The following DNAH12 variants were observed in gnomAD, a reference collection of about 807,000 sequenced individuals.
DNAH12 encodes the protein dynein axonemal heavy chain 12.
In DNAH12, 285 loss-of-function variants were observed where a neutral mutation model predicts 371.5. The ratio of observed to expected loss-of-function variants is 0.77; its 90% CI spans 0.70 to 0.85. The LOEUF (loss-of-function observed/expected upper bound fraction) is 0.85. Ranked by LOEUF, DNAH12 falls within the 40% of genes least tolerant of loss-of-function variation. The pLI is 0.00. For missense variants in DNAH12, 3,611 were observed against 3,689.4 expected (o/e 0.98, Z 0.55); for synonymous variants, 1,200 against 1,213.0 (o/e 0.99, Z 0.22).
At position 57,483,425 on chromosome 3, in the gene DNAH12, A is replaced by G. The variant is rs555444333; in HGVS notation, c.1601T>C (p.Val534Ala). The change falls in exon 13 of 74, where the codon GTA becomes GCA. Residue 534 changes from valine to alanine, a missense_variant. Val to Ala is a moderately conservative substitution (Grantham distance 64, BLOSUM62 0). This residue lies in a region of DNAH12 where 1,314 missense variants were observed against 1,398.7 expected (regional missense o/e 0.94). Transcript: ENST00000495027. ...TEEMMDLISYVEKARTVGIEE... is the reference protein window; with the variant it reads ...TEEMMDLISYAEKARTVGIEE... ...GATTCCTACAGTCCGGGCTTTTTCT[A>G]CATAAGATATCAGATCCATCATCTC... 1.9e-6 allele frequency: 3 copies of G among 1,551,372 alleles called. No homozygotes were observed. The highest frequency in any genetic ancestry group is 2.4e-5 in the East Asian group (1 of 40,884).
chr3:57,309,243 A>C lies in DNAH12; in HGVS notation c.11097T>G (p.Asp3699Glu). The change falls in exon 69 of 74, where the codon GAT becomes GAG. Residue 3699 changes from aspartate to glutamate, a missense_variant. By Grantham distance (45) the Asp-to-Glu change is conservative. Around this residue, in one of 3 missense-constraint regions of DNAH12, gnomAD observed 2,266 missense variants for 2,236.9 expected, o/e 1.01. Coordinates refer to ENST00000495027, the MANE Select transcript of DNAH12 (RefSeq NM_001366028.2). ...TKDILNKLPS[D>E]FDIEMALRKY... ...TCCGTAGTGCCATTTCAATGTCGAA[A>C]TCACTAGGGAGCTAAAAGAATAGAT... 6.5e-7 allele frequency: 1 copy of C among 1,547,026 alleles called. No individual in the cohort carries two copies. The highest frequency in any genetic ancestry group is 8.7e-7 in the Non-Finnish European group (1 of 1,145,848).
intron 40 of DNAH12, among the ~76,000 whole-genome samples, chr3:57,407,456 T>A (rs2064074130): frequency 6.6e-6 from 1 of 152,146 alleles, no homozygotes; most frequent in Non-Finnish European, 1.5e-5. Context: ...TTGCTCATAG[T>A]AGTTTCTTTA....
chr3:57,536,462 A>T (rs2069050909), intron 2 of DNAH12: 1 of 152,238 alleles, frequency 6.6e-6, no homozygotes, highest in African/African-American at 2.4e-5. Flanking sequence ...TTATTAAAGT[A>T]TCCTAAAACT....
At chr3:57,444,040 C>A (rs2065396740) in intron 29 of DNAH12, among the ~76,000 whole-genome samples, 1 of 151,998 alleles carries the variant, frequency 6.6e-6, no homozygotes, top group South Asian at 2.1e-4. Context: ...CCCATCTCTA[C>A]TAAAAATACA....
At chr3:57,547,165 T>C (rs139755588), upstream of DNAH12, among the ~76,000 whole-genome samples, 3,677 of 150,222 alleles carry the variant, frequency 0.024, 71 homozygotes, top group Middle Eastern at 0.035. Flanking sequence ...GCCAATTCTT[T>C]GTTTAAAAAA....
At chr3:57,478,234 C>G (rs367557367) in intron 13 of DNAH12, among the ~76,000 whole-genome samples, 1 of 152,038 alleles carries the variant, frequency 6.6e-6, no homozygotes, top group Non-Finnish European at 1.5e-5. Context: ...CTTAAAGGAC[C>G]TGATGGAGCT....
At chr3:57,430,105 C>T (rs2064911710) in intron 32 of DNAH12, among the ~76,000 whole-genome samples, 1 of 151,916 alleles carries the variant, frequency 6.6e-6, no homozygotes, top group Non-Finnish European at 1.5e-5. Context: ...GTGAAATACT[C>T]CTGAATTTAT....
In DNAH12 at chr3:57,375,979, C is replaced by G. The variant is rs1367119262; in HGVS notation, c.8466-14G>C. ...GCTTGGGCCCATCTGTGCCATCAAC[C>G]AAAGGCAAAACAGATTTACAACAGA... On this transcript the variant is annotated splice_polypyrimidine_tract_variant and intron_variant, in intron 53 of 73. Transcript: ENST00000495027. 2.0e-5 allele frequency: 3 copies of G among 151,952 alleles called. No individual in the cohort carries two copies. Among genetic ancestry groups the G allele is most frequent in the Non-Finnish European group, 2.9e-5 (2 of 67,968 alleles). 9.4% of individuals were successfully genotyped at this position (151,952 alleles called of 1,614,324 possible).
chr3:57,408,666 G>A, intron 39 of DNAH12, 131 bp from the exon 40 acceptor site: 1 of 1,168,876 alleles, frequency 8.6e-7, no homozygotes, highest in Non-Finnish European at 1.1e-6. Context: ...ATAACACTTT[G>A]AGTAGGAGAG....
chr3:57,315,567 A>G (rs2061667477), intron 65 of DNAH12, among the ~76,000 whole-genome samples: 1 of 152,010 alleles, frequency 6.6e-6, no homozygotes, highest in African/African-American at 2.4e-5. Flanking sequence ...AAACTGAATG[A>G]TCACATTTGT....
At chr3:57,423,147 T>G (rs1234278776) in intron 35 of DNAH12, among the ~76,000 whole-genome samples, 2 of 152,108 alleles carry the variant, frequency 1.3e-5, no homozygotes, top group Non-Finnish European at 2.9e-5. Flanking sequence ...AGTCCAAAAG[T>G]AAATATATAT....
chr3:57,504,487 T>A (rs961829987), intron 8 of DNAH12, among the ~76,000 whole-genome samples: 6 of 152,174 alleles, frequency 3.9e-5, no homozygotes, highest in Non-Finnish European at 8.8e-5. Context: ...CATAGCTCAC[T>A]GTAACCTTGA....
chr3:57,303,339 C>CA (rs1310949192), intron 69 of DNAH12, among the ~76,000 whole-genome samples: 18,414 of 61,016 alleles, frequency 0.3, 2,540 homozygotes, highest in African/African-American at 0.39. Context: ...GACGCCAGCT[C>CA]AAAAAAAAAA....
chr3:57,489,415 C>T, intron 12 of DNAH12, 94 bp downstream of exon 12: 1 of 1,279,164 alleles, frequency 7.8e-7, no homozygotes. Flanking sequence ...TACGTACTTA[C>T]ATATTTTAAG....
rs1169602185 is a variant in DNAH12 at position 57,371,941 on chromosome 3, C to CAAAAAAAAA, written c.8759+3421_8759+3429dup. Among the ~76,000 whole-genome samples, 86 of 25,848 alleles carry CAAAAAAAAA rather than the reference C, an allele frequency of 3.3e-3. 3 individuals are homozygous for CAAAAAAAAA. Among genetic ancestry groups the CAAAAAAAAA allele is most frequent in the African/African-American group, 0.017 (78 of 4,488 alleles). The allele number at this position is 25,848 out of a possible 152,430, so 17.0% of individuals were successfully genotyped here. On this transcript the variant is annotated intron_variant, in intron 55 of 73. Transcript: ENST00000495027. ...TGTCAACCCAGAATTCTAAACTCAG[C>CAAAAAAAAA]AAAAAAAAAAAAAAAAAAAAAAAAT...
chr3:57,299,806 T>C (rs1447844388), intron 70 of DNAH12, among the ~76,000 whole-genome samples: 1 of 151,946 alleles, frequency 6.6e-6, no homozygotes, highest in African/African-American at 2.4e-5. Context: ...GCTTGAGAAA[T>C]AAATGTCTGT....
rs1433355343 is a variant in DNAH12, at chr3:57,453,308, C to T, written c.3552G>A (p.Leu1184=). The T allele has an allele frequency of 1.9e-6, 3 of 1,551,054 alleles. No homozygotes were observed. Among genetic ancestry groups the T allele is most frequent in the East Asian group, 2.4e-5 (1 of 40,880 alleles). ...GGACATCAATAGTAACCAAAGCCCC[C>T]AGAGTGGTCCTGGTCTGCTTAGACA... ...GKLSKQTRTT[L]GALVTIDVHA... is the part of the protein sequence containing the mutation. Residue 1184 remains leucine, a synonymous_variant, in exon 24 of 74, where the codon CTG becomes CTA. Transcript: ENST00000495027.
Position 57,429,922 on chromosome 3 carries a change from A to AGC in DNAH12, c.4981-150_4981-149dup, listed in dbSNP as rs2064904976. 40 of 651,758 alleles carry AGC rather than the reference A, an allele frequency of 6.1e-5. 2 individuals are homozygous for AGC. In the South Asian group the frequency reaches 9.9e-4, roughly 16 times the overall value. The allele number at this position is 651,758 out of a possible 1,614,324, so 40.4% of individuals were successfully genotyped here. A position where few individuals can be genotyped will look rare whatever the true frequency, so the allele number is the denominator to read the frequency against. On this transcript the variant is annotated intron_variant, in intron 32 of 73. Coordinates refer to ENST00000495027, the MANE Select transcript of DNAH12 (RefSeq NM_001366028.2). ...GCCAGAAAATCTTAATTCTAGGTCTAGCCCTGTTAATTATTAAGTATTTAA... is the reference window on the plus strand; with the variant it reads ...GCCAGAAAATCTTAATTCTAGGTCTAGCGCCCTGTTAATTATTAAGTATTTAA...
At chr3:57,508,641 CTG>C in intron 6 of DNAH12, 101 bp from the exon 7 acceptor site, 2 of 1,361,926 alleles carry the variant, frequency 1.5e-6, no homozygotes, top group Non-Finnish European at 9.8e-7. Flanking sequence ...AGTGAGAAAA[CTG>C]GGGCTTGAGA....
Sources: allele counts gnomAD v4.1 joint callset (sites outside exome capture counted in the v4.1 genomes callset), GRCh38; gene constraint gnomAD v4.1.1; regional missense constraint gnomAD v4.1.1; transcripts MANE v1.5; gene names NCBI Gene and HGNC (gene_info 2026-07-23, HGNC 2026-07-21).